PCDH15: variants seen among roughly 807,000 people sequenced by gnomAD.
PCDH15 encodes protocadherin related 15.
PCDH15 carries 129 observed loss-of-function variants against 178.5 expected under a neutral mutation model. The ratio of observed to expected loss-of-function variants is 0.72; its 90% confidence interval spans 0.63 to 0.84. The LOEUF (loss-of-function observed/expected upper bound fraction) is 0.84, where lower values mean the gene tolerates loss of function less well. PCDH15 is among the 40% of genes least tolerant of loss of function. The pLI is 0.00. For missense variants in PCDH15, 2,230 were observed against 2,099.9 expected (o/e 1.06, Z -1.21); for synonymous variants, 800 against 732.0 (o/e 1.09, Z -1.50).
intron 20 of PCDH15, among the ~76,000 whole-genome samples, chr10:54,015,698 AT>A (rs370230818): frequency 3.3e-5 from 5 of 152,268 alleles, no homozygotes; most frequent in African/African-American, 1.2e-4. Flanking sequence ...GGCTATACAT[AT>A]GTAGAAAAAT....
chr10:55,314,586 A>AT (rs888710967), intron 1 of PCDH15, among the ~76,000 whole-genome samples: 72 of 151,842 alleles, frequency 4.7e-4, no homozygotes, highest in Admixed American at 1.1e-3. Flanking sequence ...AAACAAAAAA[A>AT]AAAATTCCAA....
chr10:54,430,844 A>T (rs538586556), intron 3 of PCDH15, among the ~76,000 whole-genome samples: 2 of 152,228 alleles, frequency 1.3e-5, no homozygotes, highest in South Asian at 4.1e-4. Context: ...TTGAAAAAAT[A>T]AACAAAATGG....
intron 2 of PCDH15, among the ~76,000 whole-genome samples, chr10:55,357,201 T>C (rs866698915): frequency 6.6e-5 from 10 of 151,728 alleles, no homozygotes; most frequent in Non-Finnish European, 1.2e-4. Flanking sequence ...TATTGAAAAA[T>C]TCAAACATGA....
intron 37 of PCDH15, 73 bp downstream of exon 37, chr10:53,810,483 G>T: frequency 7.5e-7 from 1 of 1,339,444 alleles, no homozygotes; most frequent in Non-Finnish European, 1.1e-6. Context: ...ATGTTCTACA[G>T]CCGCTAGTCA....
At chr10:55,465,111 C>A (rs1839804737) in intron 2 of PCDH15, among the ~76,000 whole-genome samples, 1 of 151,870 alleles carries the variant, frequency 6.6e-6, no homozygotes, top group Non-Finnish European at 1.5e-5. Context: ...TCTTCCGAAC[C>A]AACAGGGTGT....
At chr10:55,452,618 C>T (rs1032957776) in intron 2 of PCDH15, among the ~76,000 whole-genome samples, 3 of 152,094 alleles carry the variant, frequency 2.0e-5, no homozygotes, top group Non-Finnish European at 4.4e-5. Context: ...ACTCCAGAAT[C>T]TGAAATGCTG....
intron 2 of PCDH15, among the ~76,000 whole-genome samples, chr10:54,599,226 C>A (rs116152180): frequency 6.6e-6 from 1 of 151,890 alleles, no homozygotes; most frequent in Admixed American, 6.6e-5. Flanking sequence ...AGAACAAAGC[C>A]GGAGGCATCA....
In PCDH15 at chr10:54,066,872, G is replaced by A; in HGVS notation, c.2105C>T (p.Thr702Ile). The A allele has an allele frequency of 6.2e-7, 1 of 1,613,264 alleles. No homozygotes were observed. The change falls in exon 18 of 38, where the codon ACA (threonine) becomes ATA (isoleucine). Residue 702 changes from threonine (T) to isoleucine (I), a missense_variant. Coordinates refer to ENST00000644397, the MANE Select transcript of PCDH15 (RefSeq NM_001384140.1). ...DGRPDGTSTA[T>I]VNIVVTDVND... is the part of the protein sequence containing the mutation. ...GACATCTGTCACCACTATGTTTACT[G>A]TGGCAGTTGAGGTCTTAAAGAAAAA...
chr10:55,404,705 T>C (rs769968913), intron 2 of PCDH15, among the ~76,000 whole-genome samples: 1 of 152,096 alleles, frequency 6.6e-6, no homozygotes. Context: ...AAAGGACTAA[T>C]ATGTTTAACA....
chr10:54,465,731 G>C lies in PCDH15; in HGVS notation c.157+62081C>G, dbSNP rs79823400. Among the ~76,000 whole-genome samples, 1,254 of 152,004 alleles carry C rather than the reference G, an allele frequency of 8.2e-3. 24 individuals are homozygous for C. Among genetic ancestry groups the C allele is most frequent in the African/African-American group, 0.029 (1,185 of 41,532 alleles). ...GGTGCAGGTATCTTTTTGATATACTGATTTCTTCTCTTTTGAATAGATATC... is the reference window on the plus strand; with the variant it reads ...GGTGCAGGTATCTTTTTGATATACTCATTTCTTCTCTTTTGAATAGATATC... On this transcript the variant is annotated intron_variant, in intron 3 of 37. Transcript: ENST00000644397.
At chr10:54,211,497 C>T (rs983556768) in intron 10 of PCDH15, among the ~76,000 whole-genome samples, 42 of 152,058 alleles carry the variant, frequency 2.8e-4, no homozygotes, top group African/African-American at 8.9e-4. Flanking sequence ...TACACCTTTA[C>T]ATTTTTATTT....
intron 2 of PCDH15, among the ~76,000 whole-genome samples, chr10:55,423,044 T>A (rs1565123512): frequency 6.6e-6 from 1 of 151,902 alleles, no homozygotes; most frequent in African/African-American, 2.4e-5. Context: ...GAAGTTATCA[T>A]GTATCTTATT....
intron 8 of PCDH15, among the ~76,000 whole-genome samples, chr10:54,313,973 T>G (rs2061068759): frequency 6.6e-6 from 1 of 152,160 alleles, no homozygotes; most frequent in South Asian, 2.1e-4. Flanking sequence ...GTCATCAGAC[T>G]GACTCATTGA....
rs1223290335 is a variant in PCDH15 at position 53,804,953 on chromosome 10, T to A, written c.*1626A>T. 6.6e-6 allele frequency: 1 copy of A among 151,918 alleles called. No individual in the cohort carries two copies. The highest frequency in any genetic ancestry group is 2.4e-5 in the African/African-American group (1 of 41,374). 9.4% of individuals were successfully genotyped at this position (151,918 alleles called of 1,614,324 possible). The stretch of plus-strand genomic sequence containing the variant: ...TTGTTTGTTTGTTTTGTTTTGTTTT[T>A]TTGGCAAGGGTATGGAATGCATTAA... On this transcript the variant is annotated 3_prime_UTR_variant, in exon 38 of 38. Transcript: ENST00000644397.
chr10:54,267,495 C>T (rs1231768765), intron 8 of PCDH15, among the ~76,000 whole-genome samples: 3 of 151,830 alleles, frequency 2.0e-5, no homozygotes, highest in Non-Finnish European at 4.4e-5. Flanking sequence ...TATTTCTTCA[C>T]TGATGATAGG....
chr10:53,996,034 T>G (rs192441424), intron 20 of PCDH15, among the ~76,000 whole-genome samples: 1 of 152,284 alleles, frequency 6.6e-6, no homozygotes, highest in Admixed American at 6.5e-5. Context: ...GAGACTGAAG[T>G]GACCCTGGAA....
chr10:55,458,322 G>A (rs374567915), intron 2 of PCDH15, among the ~76,000 whole-genome samples: 4 of 151,928 alleles, frequency 2.6e-5, no homozygotes, highest in African/African-American at 7.2e-5. Flanking sequence ...CTGATGACTC[G>A]AATATAATAA....
intron 1 of PCDH15, among the ~76,000 whole-genome samples, chr10:55,222,710 T>TACACACACACACACACACACACAC (rs374141989): frequency 3.1e-4 from 13 of 42,170 alleles, no homozygotes; most frequent in South Asian, 1.3e-3. Context: ...TATATCTTTA[T>TACACACACACACACACACACACAC]ACACACACAC....
At chr10:55,206,637 T>C (rs1407870154) in intron 1 of PCDH15, among the ~76,000 whole-genome samples, 1 of 152,146 alleles carries the variant, frequency 6.6e-6, no homozygotes, top group East Asian at 1.9e-4. Flanking sequence ...ATAAGTGCAT[T>C]TAAAACTTAG....
Sources: allele counts gnomAD v4.1 joint callset (sites outside exome capture counted in the v4.1 genomes callset), GRCh38; gene constraint gnomAD v4.1.1; transcripts MANE v1.5; gene names NCBI Gene and HGNC (gene_info 2026-07-23, HGNC 2026-07-21).